Variants in PCDH15 observed in about 807,000 individuals in gnomAD.
The protein encoded by PCDH15 is protocadherin-15.
PCDH15 carries 129 observed loss-of-function variants against 178.5 expected under a neutral mutation model. That is an observed-to-expected ratio of 0.72 (90% CI 0.63 to 0.84). The LOEUF (loss-of-function observed/expected upper bound fraction) is 0.84. Ranked by LOEUF, PCDH15 falls within the 40% of genes least tolerant of loss-of-function variation. The pLI is 0.00. For missense variants in PCDH15, 2,230 were observed against 2,099.9 expected (o/e 1.06, Z -1.21); for synonymous variants, 800 against 732.0 (o/e 1.09, Z -1.50).
intron 2 of PCDH15, among the ~76,000 whole-genome samples, chr10:55,043,615 C>T (rs931938099): frequency 3.3e-5 from 5 of 151,862 alleles, no homozygotes; most frequent in East Asian, 3.9e-4. Context: ...GAGACTGAGG[C>T]GGGAGGTTCA....
At chr10:54,211,439 CTTT>C (rs2051415698) in intron 10 of PCDH15, among the ~76,000 whole-genome samples, 1 of 152,072 alleles carries the variant, frequency 6.6e-6, no homozygotes, top group Admixed American at 6.5e-5. Context: ...ATGTTTTAAT[CTTT>C]TCATAGTCTA....
intron 2 of PCDH15, among the ~76,000 whole-genome samples, chr10:55,352,336 G>A (rs142229066): frequency 1.0e-3 from 157 of 152,246 alleles, no homozygotes; most frequent in African/African-American, 3.6e-3. Context: ...TCAAAAACGG[G>A]TTGTAAAGCA....
intron 2 of PCDH15, among the ~76,000 whole-genome samples, chr10:55,589,290 C>A (rs1366937337): frequency 2.6e-5 from 4 of 151,962 alleles, no homozygotes; most frequent in African/African-American, 9.7e-5. Context: ...CCAGTTTTCC[C>A]AGCACCATTT....
chr10:55,434,062 TTTTTC>T (rs200155002), intron 2 of PCDH15, among the ~76,000 whole-genome samples: 49 of 137,612 alleles, frequency 3.6e-4, no homozygotes, highest in African/African-American at 1.0e-3. Context: ...AATTCTCCGC[TTTTTC>T]TTTTCTTTTC....
intron 25 of PCDH15, among the ~76,000 whole-genome samples, chr10:53,914,962 G>A (rs2083421614): frequency 6.6e-6 from 1 of 152,022 alleles, no homozygotes; most frequent in African/African-American, 2.4e-5. Context: ...GTTCCAGTTT[G>A]TATTCTGGAT....
chr10:54,067,016 A>C, intron 17 of PCDH15, 131 bp from the exon 18 acceptor site: 1 of 751,226 alleles, frequency 1.3e-6, no homozygotes, highest in Non-Finnish European at 1.9e-6. Flanking sequence ...CTTTCCAAAA[A>C]ATAAAAATAA....
intron 20 of PCDH15, among the ~76,000 whole-genome samples, chr10:54,007,507 A>G (rs568536959): frequency 6.6e-6 from 1 of 152,176 alleles, no homozygotes; most frequent in Non-Finnish European, 1.5e-5. Context: ...TATACAAGGA[A>G]AAAGCCTTGT....
At chr10:55,190,296 T>C (rs1936462) in intron 1 of PCDH15, among the ~76,000 whole-genome samples, 150,824 of 151,600 alleles carry the variant, frequency 0.99, 75,034 homozygotes, top group East Asian at 1. Flanking sequence ...ATAGAAACTT[T>C]AATATATTGA....
intron 23 of PCDH15, among the ~76,000 whole-genome samples, chr10:53,957,478 T>A (rs1175009412): frequency 6.7e-6 from 1 of 149,268 alleles, no homozygotes; most frequent in East Asian, 2.0e-4. Context: ...GAACTTCAGA[T>A]GACACCAAAG....
At chr10:54,525,014 A>T (rs1255061637) in intron 3 of PCDH15, among the ~76,000 whole-genome samples, 1 of 152,208 alleles carries the variant, frequency 6.6e-6, no homozygotes, top group Non-Finnish European at 1.5e-5. Flanking sequence ...GCACATATGT[A>T]TAAATGCACT....
At chr10:54,221,737 G>A (rs1262877756) in intron 9 of PCDH15, among the ~76,000 whole-genome samples, 1 of 152,082 alleles carries the variant, frequency 6.6e-6, no homozygotes, top group East Asian at 1.9e-4. Context: ...AGAGTAGCTG[G>A]GATTACAGGT....
At chr10:54,672,195 T>A (rs1468368698) in intron 1 of PCDH15, among the ~76,000 whole-genome samples, 1 of 151,702 alleles carries the variant, frequency 6.6e-6, no homozygotes, top group African/African-American at 2.4e-5. Flanking sequence ...TTATGGTGAG[T>A]TGTATGATTA....
Position 54,298,350 on chromosome 10 carries a change from T to TA in PCDH15, c.876+18920dup, listed in dbSNP as rs1489242266. 2.0e-5 allele frequency among the ~76,000 whole-genome samples: 3 copies of TA among 152,296 alleles called. No homozygotes were observed. In the East Asian group the frequency reaches 5.8e-4, roughly 29 times the overall value. ...ATTAAACCTGGCAACCTTGGTGTTC[T>TA]ATAATAGGGACCAAGAGGAACCGGC... On this transcript the variant is annotated intron_variant, in intron 8 of 37. Coordinates refer to ENST00000644397, the MANE Select transcript of PCDH15 (RefSeq NM_001384140.1).
intron 3 of PCDH15, among the ~76,000 whole-genome samples, chr10:54,403,787 G>A (rs1952247238): frequency 6.6e-6 from 1 of 151,450 alleles, no homozygotes; most frequent in Non-Finnish European, 1.5e-5. Flanking sequence ...AGCACTCCTG[G>A]ACACCAATAA....
chr10:54,380,632 T>C (rs1048977410), intron 3 of PCDH15, among the ~76,000 whole-genome samples: 2 of 79,578 alleles, frequency 2.5e-5, no homozygotes, highest in Admixed American at 3.2e-4. Context: ...CTTCTGATTG[T>C]GTGTATGCAT....
chr10:55,331,317 C>T (rs895936221), intron 2 of PCDH15, among the ~76,000 whole-genome samples: 1 of 151,914 alleles, frequency 6.6e-6, no homozygotes, highest in African/African-American at 2.4e-5. Flanking sequence ...ATATATGAGA[C>T]TATTTTCTCA....
rs527855151 is a variant in PCDH15, at chr10:55,371,634, G to A, written c.-155-204983C>T. On this transcript the variant is annotated intron_variant, in intron 2 of 5. Coordinates refer to the PCDH15 transcript ENST00000613346. ...CTCTCTCTCTCTCTTTCTCTCCCAT[G>A]GTAAAGACATGCTTGCTTCCCCTTC... Among the ~76,000 whole-genome samples the A allele has an allele frequency of 2.0e-5, 3 of 152,026 alleles. No individual in the cohort carries two copies. In the South Asian group the frequency reaches 6.2e-4, roughly 32 times the overall value.
At chr10:54,611,407 G>C (rs2092956753) in intron 2 of PCDH15, among the ~76,000 whole-genome samples, 1 of 151,780 alleles carries the variant, frequency 6.6e-6, no homozygotes, top group South Asian at 2.1e-4. Flanking sequence ...AATTCTGTTA[G>C]CATGTGCTGT....
chr10:54,090,097 A>T, intron 15 of PCDH15, 34 bp from the exon 16 acceptor site: 3 of 1,497,720 alleles, frequency 2.0e-6, no homozygotes, highest in South Asian at 2.3e-5. Flanking sequence ...ATTATCAAGT[A>T]ATTGATATGG....
Sources: allele counts gnomAD v4.1 joint callset (sites outside exome capture counted in the v4.1 genomes callset), GRCh38; gene constraint gnomAD v4.1.1; transcripts MANE v1.5; gene names NCBI Gene and HGNC (gene_info 2026-07-23, HGNC 2026-07-21).